Variants in SORCS1 observed in about 807,000 individuals in gnomAD.
The protein encoded by SORCS1 is sortilin related VPS10 domain containing receptor 1.
SORCS1 carries 60 observed loss-of-function variants against 146.1 expected under a neutral mutation model. That is an observed-to-expected ratio of 0.41 (90% CI 0.33 to 0.51). The LOEUF (loss-of-function observed/expected upper bound fraction) is 0.51, where lower values mean the gene tolerates loss of function less well. Among genes scored for constraint, SORCS1 ranks in the 20% least tolerant of loss-of-function variants. The pLI, the probability that SORCS1 is intolerant of heterozygous loss-of-function variation, is 0.21. For synonymous variants in SORCS1, 637 were observed against 584.0 expected, an observed-to-expected ratio of 1.09 and a Z score of -1.31; for missense variants, 1,352 against 1,487.6, an observed-to-expected ratio of 0.91 and a Z score of 1.50.
Position 106,822,782 on chromosome 10 carries a change from G to GTTTTTTTTTTTTTT in SORCS1, c.726+6778_726+6791dup, listed in dbSNP as rs1158921880. On this transcript the variant is annotated intron_variant, in intron 3 of 25. Coordinates refer to ENST00000263054, the MANE Select transcript of SORCS1 (RefSeq NM_052918.5). ...CACTATGTCTCTGAATTCATGTGTG[G>GTTTTTTTTTTTTTT]TTTTTTTTTTTTTTTTTTTTGAATA... Among the ~76,000 whole-genome samples the GTTTTTTTTTTTTTT allele has an allele frequency of 5.1e-4, 58 of 113,152 alleles. 3 individuals are homozygous for GTTTTTTTTTTTTTT. The highest frequency in any genetic ancestry group is 2.0e-3 in the East Asian group (7 of 3,544). The allele number at this position is 113,152 out of a possible 152,430, so 74.2% of individuals were successfully genotyped here.
At chr10:106,800,511 A>ATT in intron 3 of SORCS1, among the ~76,000 whole-genome samples, 1 of 141,578 alleles carries the variant, frequency 7.1e-6, no homozygotes, top group African/African-American at 2.6e-5. Context: ...TTCTAGGTGA[A>ATT]TCTTTTTTTT....
intron 1 of SORCS1, among the ~76,000 whole-genome samples, chr10:106,987,444 T>A (rs1956531210): frequency 6.6e-6 from 1 of 152,224 alleles, no homozygotes; most frequent in Non-Finnish European, 1.5e-5. Flanking sequence ...AGGCTCTAAC[T>A]TCCATGGCTT....
In SORCS1 at chr10:106,977,606, T is replaced by A. The variant is rs1444672919; in HGVS notation, c.559-21026A>T. ...TTCATTGGATTTTTTTTTTTTTTTT[T>A]AATTTGTTCCCGCTGAATTTTGTTT... On this transcript the variant is annotated intron_variant, in intron 1 of 25. Transcript: ENST00000263054. 7.3e-5 allele frequency among the ~76,000 whole-genome samples: 11 copies of A among 150,260 alleles called. No homozygotes were observed. In the East Asian group the frequency reaches 1.2e-3, roughly 16 times the overall value.
intron 1 of SORCS1, among the ~76,000 whole-genome samples, chr10:106,967,161 G>A (rs1360423492): frequency 2.0e-5 from 3 of 149,088 alleles, no homozygotes; most frequent in Non-Finnish European, 4.4e-5. Flanking sequence ...ATTTCACATT[G>A]CCAAACCAGA....
At chr10:107,159,492 T>C (rs1467996508) in intron 1 of SORCS1, among the ~76,000 whole-genome samples, 1 of 152,216 alleles carries the variant, frequency 6.6e-6, no homozygotes, top group East Asian at 1.9e-4. Flanking sequence ...GAAATCTTTC[T>C]TCCCATGAGT....
chr10:106,798,143 A>C (rs1946672291), intron 3 of SORCS1, among the ~76,000 whole-genome samples: 1 of 152,132 alleles, frequency 6.6e-6, no homozygotes. Flanking sequence ...TGATGGCTTT[A>C]TAAGGCAGAG....
At chr10:107,033,331 G>A (rs1281849524) in intron 1 of SORCS1, among the ~76,000 whole-genome samples, 1 of 152,052 alleles carries the variant, frequency 6.6e-6, no homozygotes, top group Non-Finnish European at 1.5e-5. Flanking sequence ...ATCGCAACTC[G>A]AAATGAGATT....
rs1434026071 is a variant in SORCS1, at chr10:107,006,241, CTT to C, written c.559-49663_559-49662del. Among the ~76,000 whole-genome samples the C allele has an allele frequency of 3.3e-5, 5 of 152,172 alleles. No individual in the cohort carries two copies. The East Asian group carries it at 7.7e-4, about 23-fold the overall frequency. Reference sequence around the variant, plus strand: ...AGGGAGGCATGGATGACAAAAAGCTCTTAACCTATATCCTTGTGTCTGTATCC... The same window carrying C: ...AGGGAGGCATGGATGACAAAAAGCTCAACCTATATCCTTGTGTCTGTATCC... On this transcript the variant is annotated intron_variant, in intron 1 of 25. Coordinates refer to ENST00000263054, the MANE Select transcript of SORCS1 (RefSeq NM_052918.5).
intron 1 of SORCS1, among the ~76,000 whole-genome samples, chr10:107,141,049 C>A (rs1967792544): frequency 1.3e-5 from 2 of 152,178 alleles, no homozygotes; most frequent in Non-Finnish European, 2.9e-5. Flanking sequence ...TCTCTACAGT[C>A]CTCAGATTTC....
At chr10:107,030,739 C>T (rs771221395) in intron 1 of SORCS1, among the ~76,000 whole-genome samples, 3 of 152,000 alleles carry the variant, frequency 2.0e-5, no homozygotes, top group Non-Finnish European at 2.9e-5. Flanking sequence ...TACATTATGC[C>T]GAGTTTAAAA....
At chr10:106,580,714 G>A (rs1473932793) in intron 24 of SORCS1, among the ~76,000 whole-genome samples, 1 of 152,150 alleles carries the variant, frequency 6.6e-6, no homozygotes, top group Non-Finnish European at 1.5e-5. Context: ...CTATAATACT[G>A]ATGGTCTCAG....
intron 2 of SORCS1, among the ~76,000 whole-genome samples, chr10:106,946,086 A>T (rs959372387): frequency 6.6e-6 from 1 of 152,236 alleles, no homozygotes; most frequent in African/African-American, 2.4e-5. Flanking sequence ...TCTCGAGGTC[A>T]CGTAGCACAT....
intron 2 of SORCS1, among the ~76,000 whole-genome samples, chr10:106,900,273 C>A (rs1486287992): frequency 6.6e-6 from 1 of 152,116 alleles, no homozygotes; most frequent in African/African-American, 2.4e-5. Flanking sequence ...GCCATTATAT[C>A]CCCGGTACCT....
At chr10:106,831,561 A>C (rs1220890731) in intron 2 of SORCS1, among the ~76,000 whole-genome samples, 2 of 152,200 alleles carry the variant, frequency 1.3e-5, no homozygotes, top group African/African-American at 4.8e-5. Flanking sequence ...AAAAGTTACA[A>C]ATTCCTATAG....
intron 1 of SORCS1, among the ~76,000 whole-genome samples, chr10:107,031,896 C>G (rs964296308): frequency 1.1e-4 from 17 of 152,252 alleles, no homozygotes; most frequent in African/African-American, 4.1e-4. Flanking sequence ...TCACTAGGAC[C>G]CTGTGTTTCT....
intron 2 of SORCS1, among the ~76,000 whole-genome samples, chr10:106,947,408 G>T (rs972083353): frequency 6.9e-6 from 1 of 145,430 alleles, no homozygotes; most frequent in Admixed American, 6.6e-5. Flanking sequence ...ATGAACTAAA[G>T]ATCTATCGGA....
intron 18 of SORCS1, among the ~76,000 whole-genome samples, chr10:106,643,382 T>G (rs2133693071): frequency 6.6e-6 from 1 of 152,350 alleles, no homozygotes; most frequent in South Asian, 2.1e-4. Flanking sequence ...CATTCTGCAT[T>G]GCCAATCACG....
chr10:107,109,220 G>A (rs1429473305), intron 1 of SORCS1, among the ~76,000 whole-genome samples: 9 of 152,208 alleles, frequency 5.9e-5, no homozygotes, highest in Non-Finnish European at 1.3e-4. Context: ...TGAGGACTCC[G>A]TGGGGGGCCT....
At chr10:107,156,447 C>T (rs1164006900) in intron 1 of SORCS1, among the ~76,000 whole-genome samples, 2 of 152,244 alleles carry the variant, frequency 1.3e-5, no homozygotes, top group East Asian at 1.9e-4. Flanking sequence ...GATCATATTT[C>T]CAGAGAAGCT....
Sources: allele counts gnomAD v4.1 joint callset (sites outside exome capture counted in the v4.1 genomes callset), GRCh38; gene constraint gnomAD v4.1.1; transcripts MANE v1.5; gene names NCBI Gene and HGNC (gene_info 2026-07-23, HGNC 2026-07-21).